TBX2: variants seen among roughly 807,000 people sequenced by gnomAD.
TBX2 encodes the protein T-box transcription factor 2, also known as T-box transcription factor TBX2.
Under a neutral mutation model 48.4 loss-of-function variants are expected in TBX2, and 19 were observed. The ratio of observed to expected loss-of-function variants is 0.39; its 90% CI spans 0.27 to 0.58. The LOEUF is 0.58. Among genes scored for constraint, TBX2 ranks in the 20% least tolerant of loss-of-function variants. The pLI, the probability that TBX2 is intolerant of heterozygous loss-of-function variation, is 0.54. For synonymous variants in TBX2, 522 were observed against 459.7 expected, an observed-to-expected ratio of 1.14 and a Z score of -1.73; for missense variants, 994 against 1,006.5, an observed-to-expected ratio of 0.99 and a Z score of 0.17.
chr17:61,409,321 GCCCCTCGA>G lies in TBX2; in HGVS notation c.*823_*830del, dbSNP rs1433727419. 1 of 152,348 alleles carries G rather than the reference GCCCCTCGA, an allele frequency of 6.6e-6. No individual in the cohort carries two copies. Among genetic ancestry groups the G allele is most frequent in the Non-Finnish European group, 1.5e-5 (1 of 68,060 alleles). 9.4% of individuals were successfully genotyped at this position (152,348 alleles called of 1,614,324 possible). A position where few individuals can be genotyped will look rare whatever the true frequency, so the allele number is the denominator to read the frequency against. Reference sequence around the variant, plus strand: ...CCCTGGAGGAGCCACCACCCCGCCGGCCCCTCGACCCCTCGGCCCCTCGGCCCCTCCGC... The same window carrying G: ...CCCTGGAGGAGCCACCACCCCGCCGGCCCCTCGGCCCCTCGGCCCCTCCGC... On this transcript the variant is annotated 3_prime_UTR_variant, in exon 7 of 7. Transcript: ENST00000240328.
chr17:61,407,754 C>T, intron 6 of TBX2: 1 of 355,318 alleles, frequency 2.8e-6, no homozygotes, highest in East Asian at 5.0e-5. Flanking sequence ...TCAAGGCCTT[C>T]ACCCGTGCTA....
In TBX2 at chr17:61,403,360, C is replaced by A. The variant is rs1372007499; in HGVS notation, c.810+153C>A. Among the ~76,000 whole-genome samples the A allele has an allele frequency of 6.6e-6, 1 of 152,254 alleles. No individual in the cohort carries two copies. Among genetic ancestry groups the A allele is most frequent in the Non-Finnish European group, 1.5e-5 (1 of 68,030 alleles). The stretch of plus-strand genomic sequence containing the variant: ...GCACCGAGCCTCGCATCCATACGCG[C>A]AGCACTCACGGAAGTCCTCAAGGCG... On this transcript the variant is annotated intron_variant, in intron 3 of 6. Coordinates refer to ENST00000240328, the MANE Select transcript of TBX2 (RefSeq NM_005994.4). This position sits in a 1 kb window ranked among gnomAD's most constrained non-coding sequence, Gnocchi z 5.8.
In TBX2 at chr17:61,408,417, G is replaced by A; in HGVS notation, c.2050G>A (p.Ala684Thr). Residue 684 changes from alanine (A) to threonine (T), a missense_variant, in exon 7 of 7, where the codon GCG becomes ACG. Around this residue, in one of 5 missense-constraint regions of TBX2, gnomAD observed 639 missense variants for 613.2 expected, o/e 1.04. Coordinates refer to ENST00000240328, the MANE Select transcript of TBX2 (RefSeq NM_005994.4). The stretch of plus-strand genomic sequence containing the variant: ...GTCGCCCAGTGGCTCGGCCAAGGAG[G>A]CGGCCAATGAACTGCAGAGCATCCA... ...ALSPSGSAKE[A>T]ANELQSIQRL... 1 of 1,542,092 alleles carries A rather than the reference G, an allele frequency of 6.5e-7. No homozygotes were observed. The highest frequency in any genetic ancestry group is 8.7e-7 in the Non-Finnish European group (1 of 1,143,338).
chr17:61,401,646 CGGTTCCAAT>C, intron 1 of TBX2, 29 bp from the exon 2 acceptor site: 1 of 1,586,514 alleles, frequency 6.3e-7, no homozygotes, highest in Non-Finnish European at 8.6e-7. Flanking sequence ...CTAGAACAGC[CGGTTCCAAT>C]GGGATCTCCT....
At chr17:61,407,060 T>C (rs986532379) in intron 6 of TBX2, 4 of 152,186 alleles carry the variant, frequency 2.6e-5, no homozygotes, top group African/African-American at 9.7e-5. Flanking sequence ...GAGGCATCCG[T>C]TGGTAGGGCT....
Position 61,403,296 on chromosome 17 carries a change from C to A in TBX2, c.810+89C>A. ...CCGTCCGTTCATCGCCCCTCGAAGC[C>A]CCCTGCACGGGATCCGCGCTCTTGC... On this transcript the variant is annotated intron_variant, in intron 3 of 6. Transcript: ENST00000240328. This position sits in a 1 kb window ranked among gnomAD's most constrained non-coding sequence, Gnocchi z 5.8. 6.5e-7 allele frequency: 1 copy of A among 1,544,892 alleles called. No individual in the cohort carries two copies. Among genetic ancestry groups the A allele is most frequent in the Non-Finnish European group, 8.7e-7 (1 of 1,154,006 alleles).
chr17:61,400,721 A>G lies in TBX2; in HGVS notation c.395+150A>G. ...ACGCCACGCTTCGCTCCCACGGACA[A>G]CCAAGTTGACTTTTCTCGTTTGGCA... is the stretch of plus-strand genomic sequence containing the variant. On this transcript the variant is annotated intron_variant, in intron 1 of 6. Transcript: ENST00000240328. The surrounding 1 kb of genome is among the most constrained non-coding windows in gnomAD (Gnocchi z 9.2). 2.4e-6 allele frequency: 2 copies of G among 822,720 alleles called. No homozygotes were observed. The highest frequency in any genetic ancestry group is 1.8e-5 in the South Asian group (1 of 54,110). The allele number at this position is 822,720 out of a possible 1,614,324, so 51.0% of individuals were successfully genotyped here.
At chr17:61,404,279 C>A in intron 3 of TBX2, 142 bp from the exon 4 acceptor site, 5 of 1,014,974 alleles carry the variant, frequency 4.9e-6, no homozygotes, top group African/African-American at 1.6e-5. Context: ...CAGCTCGGGG[C>A]GTCCCATCCC....
chr17:61,400,432 G>T lies in TBX2; in HGVS notation c.256G>T (p.Ala86Ser). 6.4e-7 allele frequency: 1 copy of T among 1,569,162 alleles called. No individual in the cohort carries two copies. The highest frequency in any genetic ancestry group is 8.6e-7 in the Non-Finnish European group (1 of 1,159,750). The change falls in exon 1 of 7, where the codon GCC (alanine) becomes TCC (serine). Residue 86 changes from alanine (A) to serine (S), a missense_variant. Coordinates refer to ENST00000240328, the MANE Select transcript of TBX2 (RefSeq NM_005994.4). The surrounding 1 kb of genome is among the most constrained non-coding windows in gnomAD (Gnocchi z 9.2). The stretch of plus-strand genomic sequence containing the variant: ...CTCGGCACTGGGCCCGCACCCGCCC[G>T]CCGCGCATCTGCGCTCCCTCAAGAG... ...HVSALGPHPP[A>S]AHLRSLKSLE...
Position 61,400,658 on chromosome 17 carries a change from T to G in TBX2, c.395+87T>G. On this transcript the variant is annotated intron_variant, in intron 1 of 6. Transcript: ENST00000240328. This position sits in a 1 kb window ranked among gnomAD's most constrained non-coding sequence, Gnocchi z 9.2. ...CACGGATCAGAGCAGAGCTGGGGAC[T>G]CCCGGCTCCCGGCTCCCGGCTCCAG... The G allele has an allele frequency of 8.8e-7, 1 of 1,136,268 alleles. No individual in the cohort carries two copies. The highest frequency in any genetic ancestry group is 1.2e-6 in the Non-Finnish European group (1 of 832,932). 70.4% of individuals were successfully genotyped at this position (1,136,268 alleles called of 1,614,324 possible). A position where few individuals can be genotyped will look rare whatever the true frequency, so the allele number is the denominator to read the frequency against.
Position 61,401,880 on chromosome 17 carries a change from C to A in TBX2, c.592C>A (p.Gln198Lys). The change falls in exon 2 of 7, where the codon CAG (glutamine) becomes AAG (lysine). Residue 198 changes from glutamine to lysine, a missense_variant. Gln to Lys is a moderately conservative substitution (Grantham distance 53). Around this residue, in one of 5 missense-constraint regions of TBX2, gnomAD observed 153 missense variants for 166.2 expected, o/e 0.92. Transcript: ENST00000240328. ...CCCAGACAGCCCAGCCACGGGGGAG[C>A]AGTGGATGGCTAAGCCTGTGGCCTT... Reference protein sequence around the residue: ...IHPDSPATGEQWMAKPVAFHK... With the variant: ...IHPDSPATGEKWMAKPVAFHK... 1 of 1,612,972 alleles carries A rather than the reference C, an allele frequency of 6.2e-7. No homozygotes were observed. Among genetic ancestry groups the A allele is most frequent in the Non-Finnish European group, 8.5e-7 (1 of 1,179,968 alleles).
At chr17:61,404,036 G>A (rs2060277387) in intron 3 of TBX2, among the ~76,000 whole-genome samples, 1 of 152,208 alleles carries the variant, frequency 6.6e-6, no homozygotes, top group South Asian at 2.1e-4. Flanking sequence ...TTGGCTTTGT[G>A]TGTACCTGCA....
intron 5 of TBX2, 129 bp from the exon 6 acceptor site, chr17:61,405,073 C>T: frequency 4.6e-6 from 7 of 1,508,070 alleles, no homozygotes; most frequent in Non-Finnish European, 6.2e-6. Context: ...TGACCTGCAG[C>T]TGCCCTTTGC....
At position 61,405,747 on chromosome 17, in the gene TBX2, G is replaced by C. The variant is rs1466303780; in HGVS notation, c.1597G>C (p.Asp533His). The C allele has an allele frequency of 3.7e-6, 5 of 1,348,976 alleles. No individual in the cohort carries two copies. The highest frequency in any genetic ancestry group is 4.7e-6 in the Non-Finnish European group (5 of 1,056,128). 83.6% of individuals were successfully genotyped at this position (1,348,976 alleles called of 1,614,324 possible). Residue 533 changes from aspartate to histidine, a missense_variant, in exon 6 of 7, where the codon GAC becomes CAC. By Grantham distance (81) the Asp-to-His change is moderately conservative. Transcript: ENST00000240328. ...GGGPGTAAGLDAGGLGPAASA... is the reference protein window; with the variant it reads ...GGGPGTAAGLHAGGLGPAASA... The stretch of plus-strand genomic sequence containing the variant: ...CGGGCCTGGGACCGCCGCGGGGCTG[G>C]ACGCAGGCGGGCTGGGTCCCGCGGC...
chr17:61,402,969 A>C, intron 2 of TBX2, 92 bp from the exon 3 acceptor site: 1 of 182,240 alleles, frequency 5.5e-6, no homozygotes, highest in Non-Finnish European at 8.9e-6. Flanking sequence ...AGAGAGAGAG[A>C]GAAAGTGGAG....
chr17:61,405,923 C>A, intron 6 of TBX2, 87 bp downstream of exon 6: 1 of 1,220,390 alleles, frequency 8.2e-7, no homozygotes, highest in Non-Finnish European at 1.0e-6. Context: ...TGAGGGGTGC[C>A]AGGGTCGCTG....
Position 61,404,790 on chromosome 17 carries a change from G to A in TBX2, c.1051+21G>A, listed in dbSNP as rs751186344. The A allele has an allele frequency of 5.3e-6, 8 of 1,512,512 alleles. No individual in the cohort carries two copies. The Admixed American group carries it at 1.2e-4, about 23-fold the overall frequency. The allele number at this position is 1,512,512 out of a possible 1,614,324, so 93.7% of individuals were successfully genotyped here. On this transcript the variant is annotated intron_variant, in intron 5 of 6. Coordinates refer to ENST00000240328, the MANE Select transcript of TBX2 (RefSeq NM_005994.4). ...CCGAGGTGAGGGTCGGACCGGAGGA[G>A]GGACAGGGAGGTGGCGGCGGGGGGT...
chr17:61,405,955 C>A, intron 6 of TBX2, 119 bp downstream of exon 6: 3 of 1,098,468 alleles, frequency 2.7e-6, no homozygotes, highest in Non-Finnish European at 3.5e-6. Flanking sequence ...CAGGCAAGAA[C>A]TCCATCCAGG....
At chr17:61,404,546 C>T (rs773573920) in intron 4 of TBX2, 49 bp downstream of exon 4, 5 of 1,589,378 alleles carry the variant, frequency 3.1e-6, no homozygotes, top group Non-Finnish European at 4.3e-6. Flanking sequence ...GCGGGAGCAG[C>T]GAGCAGGAGG....
Sources: allele counts gnomAD v4.1 joint callset (sites outside exome capture counted in the v4.1 genomes callset), GRCh38; gene constraint gnomAD v4.1.1; regional missense constraint gnomAD v4.1.1; non-coding constraint Gnocchi (gnomAD v3.1); transcripts MANE v1.5; gene names NCBI Gene and HGNC (gene_info 2026-07-23, HGNC 2026-07-21).